Variants in GPHN observed in about 807,000 individuals in gnomAD.
The protein encoded by GPHN is gephyrin.
A neutral mutation model predicts 95.5 loss-of-function variants in GPHN; 17 were observed. The ratio of observed to expected loss-of-function variants is 0.18; its 90% CI spans 0.12 to 0.27. The LOEUF (loss-of-function observed/expected upper bound fraction) is 0.27, where lower values mean the gene tolerates loss of function less well. Ranked by LOEUF, GPHN falls within the 10% of genes least tolerant of loss-of-function variation. The pLI, the probability that GPHN is intolerant of heterozygous loss-of-function variation, is 1.00. For synonymous variants in GPHN, 320 were observed against 322.5 expected, an observed-to-expected ratio of 0.99 and a Z score of 0.08; for missense variants, 660 against 978.1, an observed-to-expected ratio of 0.67 and a Z score of 4.34.
chr14:66,598,678 C>G (rs1398147647), intron 1 of GPHN, among the ~76,000 whole-genome samples: 2 of 152,058 alleles, frequency 1.3e-5, no homozygotes, highest in Non-Finnish European at 2.9e-5. Context: ...AACCCCATCT[C>G]TACTAAAAAT....
intron 3 of GPHN, among the ~76,000 whole-genome samples, chr14:66,814,282 C>T (rs1323136292): frequency 1.3e-5 from 2 of 152,192 alleles, no homozygotes; most frequent in Non-Finnish European, 2.9e-5. Flanking sequence ...ATGGTCAGCA[C>T]CCTGCCCCCA....
chr14:67,397,578 C>T, the GPHN span: 1 of 1,182,664 alleles, frequency 8.5e-7, no homozygotes, highest in African/African-American at 1.5e-5. Flanking sequence ...GCTCTTCCTC[C>T]TACCCACACC....
At chr14:66,812,480 A>G (rs1357936731) in intron 3 of GPHN, among the ~76,000 whole-genome samples, 1 of 152,226 alleles carries the variant, frequency 6.6e-6, no homozygotes, top group African/African-American at 2.4e-5. Flanking sequence ...CACCTATTGT[A>G]ATTAACAGAC....
At chr14:66,831,582 C>T (rs1291707655) in intron 4 of GPHN, among the ~76,000 whole-genome samples, 2 of 152,158 alleles carry the variant, frequency 1.3e-5, no homozygotes, top group East Asian at 3.9e-4. Flanking sequence ...AAAAAGCTTA[C>T]ACTATAGAGT....
At chr14:66,693,506 G>T (rs72726496) in intron 2 of GPHN, among the ~76,000 whole-genome samples, 8,910 of 152,208 alleles carry the variant, frequency 0.059, 353 homozygotes, top group Middle Eastern at 0.099. Context: ...AGTTATGGAG[G>T]CTGAGGACTT....
chr14:67,435,213 T>A, the GPHN span, among the ~76,000 whole-genome samples: 3 of 152,230 alleles, frequency 2.0e-5, no homozygotes, highest in South Asian at 6.2e-4. Flanking sequence ...GTGATCCACC[T>A]GCCTCAGCAT....
intron 13 of GPHN, among the ~76,000 whole-genome samples, chr14:67,103,714 G>A (rs2077868710): frequency 6.6e-6 from 1 of 151,386 alleles, no homozygotes; most frequent in Non-Finnish European, 1.5e-5. Flanking sequence ...TCATTTTTGT[G>A]TGTTGATTAT....
At chr14:66,836,125 G>A (rs1364501234) in intron 4 of GPHN, among the ~76,000 whole-genome samples, 51 of 131,876 alleles carry the variant, frequency 3.9e-4, no homozygotes, top group Middle Eastern at 3.6e-3. Flanking sequence ...AAAAGAGCCC[G>A]CATCGCCAAG....
chr14:66,591,233 T>G lies in GPHN; in HGVS notation c.64+82642T>G, dbSNP rs113722554. Among the ~76,000 whole-genome samples the G allele has an allele frequency of 3.6e-3, 554 of 152,328 alleles. 10 individuals carry two copies. The highest frequency in any genetic ancestry group is 0.013 in the African/African-American group (528 of 41,578). On this transcript the variant is annotated intron_variant, in intron 1 of 22. Coordinates refer to ENST00000478722, the MANE Select transcript of GPHN (RefSeq NM_020806.5). Reference sequence around the variant, plus strand: ...GGGCAAAAGCTGGAAGCATTCCCTTTGAAAACTGGCACAAGGCAAGGATGC... The same window carrying G: ...GGGCAAAAGCTGGAAGCATTCCCTTGGAAAACTGGCACAAGGCAAGGATGC...
chr14:67,161,306 A>AG (rs1468636490), intron 19 of GPHN, among the ~76,000 whole-genome samples: 1 of 152,136 alleles, frequency 6.6e-6, no homozygotes, highest in African/African-American at 2.4e-5. Context: ...AAAGAAAAAA[A>AG]GAAAAGAAAA....
chr14:67,700,891 G>A, the GPHN span, among the ~76,000 whole-genome samples: 6 of 150,964 alleles, frequency 4.0e-5, no homozygotes, highest in East Asian at 1.9e-4. Flanking sequence ...TGGGCACGGC[G>A]GCGAATGCCT....
chr14:67,423,766 GGTGA>G, the GPHN span, among the ~76,000 whole-genome samples: 1 of 152,194 alleles, frequency 6.6e-6, no homozygotes, highest in African/African-American at 2.4e-5. Flanking sequence ...CTCCCAGCAA[GGTGA>G]GTGTGTGGCT....
chr14:66,922,984 A>G (rs748903810), intron 7 of GPHN, 46 bp downstream of exon 7: 11 of 1,520,026 alleles, frequency 7.2e-6, no homozygotes, highest in Non-Finnish European at 9.9e-6. Context: ...ACCCACAGGT[A>G]AATGTACTGG....
the GPHN span, among the ~76,000 whole-genome samples, chr14:67,686,564 G>T: frequency 6.7e-6 from 1 of 148,428 alleles, no homozygotes; most frequent in Admixed American, 6.9e-5. Flanking sequence ...ACTTGAACCA[G>T]GGAGACAGAG....
intron 1 of GPHN, among the ~76,000 whole-genome samples, chr14:66,515,184 T>C (rs906330375): frequency 3.3e-5 from 5 of 152,204 alleles, no homozygotes; most frequent in Non-Finnish European, 7.4e-5. Context: ...AAGTAGATTT[T>C]AAAGTTCTTG....
intron 3 of GPHN, among the ~76,000 whole-genome samples, chr14:66,789,372 C>A (rs2059894617): frequency 1.3e-5 from 2 of 152,168 alleles, no homozygotes; most frequent in Admixed American, 1.3e-4. Context: ...GTTAACTCAG[C>A]AATTTTTATT....
chr14:67,296,417 G>A, the GPHN span, among the ~76,000 whole-genome samples: 300 of 151,942 alleles, frequency 2.0e-3, no homozygotes, highest in African/African-American at 7.1e-3. Flanking sequence ...TGGCTAACAT[G>A]GTGAAATGCT....
intron 2 of GPHN, among the ~76,000 whole-genome samples, chr14:66,719,011 A>T (rs767881631): frequency 6.6e-6 from 1 of 152,110 alleles, no homozygotes; most frequent in Non-Finnish European, 1.5e-5. Flanking sequence ...CACAGGCCTC[A>T]CCCAGCTCCC....
intron 1 of GPHN, among the ~76,000 whole-genome samples, chr14:66,578,814 A>G (rs1234362480): frequency 5.3e-5 from 8 of 151,800 alleles, no homozygotes; most frequent in African/African-American, 1.9e-4. Flanking sequence ...CCTTATAAGA[A>G]ATGCAAAAGG....
Sources: allele counts gnomAD v4.1 joint callset (sites outside exome capture counted in the v4.1 genomes callset), GRCh38; gene constraint gnomAD v4.1.1; transcripts MANE v1.5; gene names NCBI Gene and HGNC (gene_info 2026-07-23, HGNC 2026-07-21).